Variants in GON4L observed in about 807,000 individuals in gnomAD.
GON4L encodes GON-4-like protein.
Under a neutral mutation model 211.8 loss-of-function variants are expected in GON4L, and 87 were observed. That is an observed-to-expected ratio of 0.41 (90% confidence interval 0.35 to 0.49). The LOEUF (loss-of-function observed/expected upper bound fraction) is 0.49, where lower values mean the gene tolerates loss of function less well. Ranked by LOEUF, GON4L falls within the 20% of genes least tolerant of loss-of-function variation. The pLI is 0.15. For synonymous variants in GON4L, 875 were observed against 962.6 expected, an observed-to-expected ratio of 0.91 and a Z score of 1.68; for missense variants, 2,155 against 2,659.5, an observed-to-expected ratio of 0.81 and a Z score of 4.17.
chr1:155,767,265 G>A, intron 20 of GON4L, 160 bp downstream of exon 20: 6 of 1,524,078 alleles, frequency 3.9e-6, no homozygotes, highest in Non-Finnish European at 5.3e-6. Context: ...GAATCACCCA[G>A]AGAAGGGCAG....
downstream of GON4L, chr1:155,748,090 C>T: frequency 6.2e-7 from 1 of 1,608,476 alleles, no homozygotes; most frequent in Non-Finnish European, 8.5e-7. Context: ...GGCCTGCGAC[C>T]TGAGCCACCT....
Position 155,853,308 on chromosome 1 carries a change from C to T in GON4L, c.473G>A (p.Gly158Glu), listed in dbSNP as rs1671983125. 6.2e-7 allele frequency: 1 copy of T among 1,614,096 alleles called. No homozygotes were observed. The highest frequency in any genetic ancestry group is 1.3e-5 in the African/African-American group (1 of 75,054). Residue 158 changes from glycine to glutamate, a missense_variant, in exon 2 of 32, where the codon GGA becomes GAA. Physicochemically the swap from Gly to Glu is moderately conservative, Grantham distance 98. Around this residue, in one of 6 missense-constraint regions of GON4L, gnomAD observed 313 missense variants for 293.2 expected, o/e 1.07. Transcript: ENST00000368331. ...TTCCTTGACTTCTTCACTAGGCTCT[C>T]CTGAAAAAGGCTCCTTTAGGGTAAG... ...DHLTLKEPFS[G>E]EPSEEVKEEG...
rs1049152933 is a variant in GON4L at position 155,757,032 on chromosome 1, C to T, written c.5443G>A (p.Glu1815Lys). ...EVALPDVEEEEEPPKIPTASK... is the reference protein window; with the variant it reads ...EVALPDVEEEKEPPKIPTASK... ...GCTGTGGGTATCTTGGGAGGCTCCTCCTCTTCTTCCACATCAGGCAGGGCC... is the reference window on the plus strand; with the variant it reads ...GCTGTGGGTATCTTGGGAGGCTCCTTCTCTTCTTCCACATCAGGCAGGGCC... The change falls in exon 27 of 32, where the codon GAG (glutamate) becomes AAG (lysine). Residue 1815 changes from glutamate to lysine, a missense_variant. Coordinates refer to ENST00000368331, the MANE Select transcript of GON4L (RefSeq NM_001282860.2). 2 of 1,613,808 alleles carry T rather than the reference C, an allele frequency of 1.2e-6. No homozygotes were observed. Among genetic ancestry groups the T allele is most frequent in the Non-Finnish European group, 1.7e-6 (2 of 1,179,844 alleles).
intron 10 of GON4L, among the ~76,000 whole-genome samples, chr1:155,805,692 CT>C (rs565142517): frequency 4.4e-3 from 635 of 142,698 alleles, no homozygotes; most frequent in African/African-American, 6.0e-3. Flanking sequence ...TCTATCAATA[CT>C]TTTTTTTTTT....
At chr1:155,781,821 A>G (rs957947172) in intron 14 of GON4L, among the ~76,000 whole-genome samples, 1 of 151,446 alleles carries the variant, frequency 6.6e-6, no homozygotes, top group African/African-American at 2.4e-5. Context: ...CAGTGGCACA[A>G]TCTCAGCTCA....
At chr1:155,813,606 CTCAGT>C (rs1237767703) in intron 10 of GON4L, 23 bp downstream of exon 10, 27 of 1,551,342 alleles carry the variant, frequency 1.7e-5, no homozygotes, top group Non-Finnish European at 2.4e-5. Context: ...ACTTGACTTT[CTCAGT>C]TAAGTACAGT....
chr1:155,820,535 T>A, intron 6 of GON4L, 71 bp downstream of exon 6: 1 of 988,446 alleles, frequency 1.0e-6, no homozygotes, highest in South Asian at 1.3e-5. Flanking sequence ...CCTATATTTT[T>A]CCCTATGGGT....
Position 155,766,162 on chromosome 1 carries a change from G to A in GON4L, c.3311C>T (p.Ser1104Phe), listed in dbSNP as rs138268831. The change falls in exon 21 of 32, where the codon TCC becomes TTC. Residue 1104 changes from serine to phenylalanine, a missense_variant. Ser to Phe is a radical substitution (Grantham distance 155, BLOSUM62 -2). Coordinates refer to ENST00000368331, the MANE Select transcript of GON4L (RefSeq NM_001282860.2). ...CTTTCGAAACTTAGAAGGGGCAAGG[G>A]AGGGCAGCATTACCTTGGGCACAGG... ...SAPVPKVMLP[S>F]LAPSKFRKPY... 274 of 1,614,020 alleles carry A rather than the reference G, an allele frequency of 1.7e-4. 2 individuals are homozygous for A. The highest frequency in any genetic ancestry group is 9.3e-4 in the Admixed American group (56 of 59,986).
rs558221643 is a variant in GON4L, at chr1:155,757,693, G to A, written c.5253+198C>T. ...AGCCTGTGAAGATCAGACAGGCTCC[G>A]GTTTCAGGTAGCAATCCCTCCCTAT... On this transcript the variant is annotated intron_variant, in intron 25 of 31. Coordinates refer to ENST00000368331, the MANE Select transcript of GON4L (RefSeq NM_001282860.2). 1.2e-4 allele frequency among the ~76,000 whole-genome samples: 15 copies of A among 130,372 alleles called. No individual in the cohort carries two copies. The East Asian group carries it at 1.8e-3, about 15-fold the overall frequency. 85.5% of individuals were successfully genotyped at this position (130,372 alleles called of 152,430 possible). A position where few individuals can be genotyped will look rare whatever the true frequency, so the allele number is the denominator to read the frequency against.
chr1:155,828,769 C>T (rs1019246298), intron 2 of GON4L, among the ~76,000 whole-genome samples: 1 of 140,808 alleles, frequency 7.1e-6, no homozygotes, highest in Non-Finnish European at 1.5e-5. Context: ...GATCGCGCCA[C>T]TGAACTCCAG....
intron 12 of GON4L, 74 bp from the exon 13 acceptor site, chr1:155,785,448 T>C (rs822022): frequency 0.93 from 932,710 of 1,001,256 alleles, 437,762 homozygotes; most frequent in East Asian, 1. Context: ...ATGAAGACAA[T>C]GTATAATGTT....
downstream of GON4L, chr1:155,746,866 G>A (rs777608433): frequency 2.5e-6 from 4 of 1,596,534 alleles, no homozygotes; most frequent in Admixed American, 3.4e-5. Context: ...CTTTCTGAGT[G>A]CAGAGGTGAG....
rs550526732 is a variant in GON4L, at chr1:155,792,065, T to C, written c.1747+2985A>G. 2.0e-5 allele frequency among the ~76,000 whole-genome samples: 3 copies of C among 152,202 alleles called. No homozygotes were observed. In the South Asian group the frequency reaches 6.2e-4, roughly 32 times the overall value. On this transcript the variant is annotated intron_variant, in intron 12 of 31. Coordinates refer to ENST00000368331, the MANE Select transcript of GON4L (RefSeq NM_001282860.2). ...TGGGTTCAATAAGGAAAGTATTAAT[T>C]GAGGAGGTGTTCAAGTTTACAATAC... is the stretch of plus-strand genomic sequence containing the variant.
At chr1:155,749,200 C>T (rs1316418281), downstream of GON4L, 36 of 1,316,086 alleles carry the variant, frequency 2.7e-5, no homozygotes, top group South Asian at 3.4e-4. Flanking sequence ...TGCAGTGAGC[C>T]GAGATCACAC....
chr1:155,760,295 A>T, intron 24 of GON4L, 149 bp downstream of exon 24: 1 of 522,614 alleles, frequency 1.9e-6, no homozygotes, highest in Non-Finnish European at 3.4e-6. Context: ...ATACCCTGAA[A>T]AGACAGAGGC....
At chr1:155,804,900 A>G in intron 11 of GON4L, 49 bp downstream of exon 11, 1 of 1,367,444 alleles carries the variant, frequency 7.3e-7, no homozygotes, top group Non-Finnish European at 1.0e-6. Flanking sequence ...TAAAAATTTT[A>G]CAACAGATAA....
Position 155,814,324 on chromosome 1 carries a change from A to AT in GON4L, c.1281+5dup, listed in dbSNP as rs1668044511. 1.2e-6 allele frequency: 2 copies of AT among 1,612,146 alleles called. No homozygotes were observed. Among genetic ancestry groups the AT allele is most frequent in the Non-Finnish European group, 1.7e-6 (2 of 1,178,606 alleles). On this transcript the variant is annotated splice_donor_region_variant and intron_variant, in intron 9 of 31. Transcript: ENST00000368331. ...CTAACATCTCTTTTGTATGATGCCGATTTACCTCTGATAATATGCCACTCT... is the reference window on the plus strand; with the variant it reads ...CTAACATCTCTTTTGTATGATGCCGATTTTACCTCTGATAATATGCCACTCT...
Position 155,754,378 on chromosome 1 carries a change from G to A in GON4L, c.5628C>T (p.Ser1876=). 6.3e-7 allele frequency: 1 copy of A among 1,589,864 alleles called. No homozygotes were observed. Among genetic ancestry groups the A allele is most frequent in the Non-Finnish European group, 8.6e-7 (1 of 1,157,970 alleles). ...SKRRSCSHCS[S]KVCDSKSYKS... ...GGACCCTTGATACTTTCCTCACCTT[G>A]CTGCTACAGTGGCTACAGCTCCGCC... is the stretch of plus-strand genomic sequence containing the variant. Residue 1876 remains serine (S), a synonymous_variant, in exon 28 of 32, where the codon AGC becomes AGT. Transcript: ENST00000368331.
intron 19 of GON4L, among the ~76,000 whole-genome samples, chr1:155,768,484 G>A (rs1484799561): frequency 1.3e-5 from 2 of 150,656 alleles, no homozygotes; most frequent in Non-Finnish European, 2.9e-5. Flanking sequence ...GGTGGCTGGT[G>A]CCTGTAGTCC....
Sources: gnomAD v4.1 joint callset for allele counts (sites outside exome capture counted in the v4.1 genomes callset) on GRCh38, gnomAD v4.1.1 for gene constraint, gnomAD v4.1.1 regional missense constraint, MANE v1.5 for transcripts, NCBI Gene and HGNC (gene_info 2026-07-23, HGNC 2026-07-21) for gene names.